Variants in DOCK4 observed in about 807,000 individuals in gnomAD.
The protein encoded by DOCK4 is dedicator of cytokinesis 4, also known as dedicator of cytokinesis protein 4.
In DOCK4, 97 loss-of-function variants were observed where a neutral mutation model predicts 268.1. The ratio of observed to expected loss-of-function variants is 0.36; its 90% CI spans 0.31 to 0.43. The LOEUF (loss-of-function observed/expected upper bound fraction) is 0.43. DOCK4 is among the 20% of genes least tolerant of loss of function. The pLI, the probability that DOCK4 is intolerant of heterozygous loss-of-function variation, is 1.00. For synonymous variants in DOCK4, 954 were observed against 887.2 expected (o/e 1.08, Z -1.34); for missense variants, 2,145 against 2,455.7 (o/e 0.87, Z 2.67).
intron 1 of DOCK4, among the ~76,000 whole-genome samples, chr7:112,035,675 G>A (rs1461074617): frequency 2.0e-5 from 3 of 151,840 alleles, no homozygotes; most frequent in African/African-American, 7.3e-5. Flanking sequence ...GAGAGAGAAT[G>A]TAATACATGA....
At chr7:111,761,086 A>G (rs1797376029) in intron 39 of DOCK4, among the ~76,000 whole-genome samples, 2 of 146,782 alleles carry the variant, frequency 1.4e-5, no homozygotes, top group Admixed American at 6.8e-5. Context: ...TTTAAGATGG[A>G]GTCTCACTCT....
intron 1 of DOCK4, among the ~76,000 whole-genome samples, chr7:112,122,355 C>G (rs1377723667): frequency 1.2e-4 from 18 of 152,158 alleles, no homozygotes; most frequent in Non-Finnish European, 5.9e-5. Context: ...CTAGGAACCA[C>G]CATTCTACTT....
At chr7:112,082,603 G>A (rs984175425) in intron 1 of DOCK4, among the ~76,000 whole-genome samples, 2 of 152,094 alleles carry the variant, frequency 1.3e-5, no homozygotes, top group African/African-American at 4.8e-5. Flanking sequence ...TACAGAGAAT[G>A]TATTGTTAAT....
chr7:112,003,008 G>A (rs967266838), intron 2 of DOCK4, among the ~76,000 whole-genome samples: 2 of 144,986 alleles, frequency 1.4e-5, no homozygotes, highest in Admixed American at 7.1e-5. Flanking sequence ...CCAAGATCCC[G>A]CCACTGAACT....
chr7:112,028,997 T>C (rs989718988), intron 1 of DOCK4, among the ~76,000 whole-genome samples: 1 of 152,218 alleles, frequency 6.6e-6, no homozygotes, highest in Admixed American at 6.5e-5. Context: ...AGTGCTTATC[T>C]TGCAATGTTA....
chr7:112,026,562 G>C (rs1383693162), intron 1 of DOCK4, among the ~76,000 whole-genome samples: 2 of 152,154 alleles, frequency 1.3e-5, no homozygotes, highest in African/African-American at 4.8e-5. Context: ...GCCAAGAAAG[G>C]CTTTTATATT....
At chr7:111,855,288 G>T (rs1468852502) in intron 23 of DOCK4, among the ~76,000 whole-genome samples, 5 of 152,126 alleles carry the variant, frequency 3.3e-5, no homozygotes, top group Non-Finnish European at 7.4e-5. Flanking sequence ...AAAAGACAGA[G>T]GCAGCTCAGA....
chr7:112,057,486 G>C (rs1168573068), intron 1 of DOCK4, among the ~76,000 whole-genome samples: 2 of 151,842 alleles, frequency 1.3e-5, no homozygotes, highest in Admixed American at 1.3e-4. Context: ...AAGGGTTCAA[G>C]GCTGTAGTGG....
intron 42 of DOCK4, among the ~76,000 whole-genome samples, chr7:111,748,543 T>C (rs1796427092): frequency 6.6e-6 from 1 of 152,094 alleles, no homozygotes; most frequent in Non-Finnish European, 1.5e-5. Context: ...TGATCAAAGA[T>C]GTGAAAAATA....
At chr7:112,203,865 A>G (rs898811329) in intron 1 of DOCK4, among the ~76,000 whole-genome samples, 3 of 145,206 alleles carry the variant, frequency 2.1e-5, no homozygotes, top group Non-Finnish European at 3.0e-5. Context: ...ACACACACAC[A>G]CGCCTAACAG....
At chr7:111,920,908 TTA>T (rs1170636075) in intron 12 of DOCK4, among the ~76,000 whole-genome samples, 2 of 151,992 alleles carry the variant, frequency 1.3e-5, no homozygotes, top group African/African-American at 4.8e-5. Context: ...TTATTGGAAT[TTA>T]TGACAACCTG....
chr7:112,108,880 G>A (rs891319665), intron 1 of DOCK4, among the ~76,000 whole-genome samples: 24 of 152,244 alleles, frequency 1.6e-4, no homozygotes, highest in Non-Finnish European at 2.5e-4. Flanking sequence ...AGAATGTAGG[G>A]GATTTTGGCG....
At chr7:111,923,911 T>C (rs1793374625) in intron 12 of DOCK4, among the ~76,000 whole-genome samples, 2 of 152,242 alleles carry the variant, frequency 1.3e-5, no homozygotes, top group African/African-American at 4.8e-5. Flanking sequence ...TGATTTCTTA[T>C]TTTAATAACA....
At chr7:112,102,580 C>T (rs898595983) in intron 1 of DOCK4, among the ~76,000 whole-genome samples, 3 of 152,062 alleles carry the variant, frequency 2.0e-5, no homozygotes, top group Non-Finnish European at 4.4e-5. Context: ...AAAAACAGAC[C>T]CCATAAAACT....
intron 25 of DOCK4, among the ~76,000 whole-genome samples, chr7:111,841,478 A>G (rs1322246921): frequency 6.6e-6 from 1 of 152,132 alleles, no homozygotes; most frequent in Non-Finnish European, 1.5e-5. Flanking sequence ...TCTGTTTTAA[A>G]GAAACAGAGG....
chr7:111,747,841 T>C (rs1796374322), intron 42 of DOCK4, among the ~76,000 whole-genome samples: 1 of 152,052 alleles, frequency 6.6e-6, no homozygotes, highest in Non-Finnish European at 1.5e-5. Flanking sequence ...CAAAGCACCA[T>C]GGGAGATATA....
At chr7:112,080,890 A>G (rs1405498931) in intron 1 of DOCK4, among the ~76,000 whole-genome samples, 5 of 152,240 alleles carry the variant, frequency 3.3e-5, no homozygotes, top group Admixed American at 3.3e-4. Flanking sequence ...AATAATATTT[A>G]CACTTATGTC....
intron 13 of DOCK4, among the ~76,000 whole-genome samples, chr7:111,914,948 C>T (rs1224821829): frequency 6.6e-6 from 1 of 152,128 alleles, no homozygotes; most frequent in Non-Finnish European, 1.5e-5. Flanking sequence ...TAACTTTTGG[C>T]TCCTGGCACA....
intron 1 of DOCK4, among the ~76,000 whole-genome samples, chr7:112,123,231 G>C (rs552125772): frequency 6.6e-6 from 1 of 152,154 alleles, no homozygotes; most frequent in East Asian, 1.9e-4. Context: ...AGATCTCCTT[G>C]GTGGGTCTGG....
Sources: gnomAD v4.1 joint callset for allele counts (sites outside exome capture counted in the v4.1 genomes callset) on GRCh38, gnomAD v4.1.1 for gene constraint, MANE v1.5 for transcripts, NCBI Gene and HGNC (gene_info 2026-07-23, HGNC 2026-07-21) for gene names.